The following CSMD1 variants were observed in gnomAD, a reference collection of about 807,000 sequenced individuals.
CSMD1 encodes the protein CUB and sushi domain-containing protein 1.
CSMD1 carries 213 observed loss-of-function variants against 417.5 expected under a neutral mutation model. That is an observed-to-expected ratio of 0.51 (90% CI 0.46 to 0.57). CSMD1 has a LOEUF of 0.57. CSMD1 is among the 20% of genes least tolerant of loss of function. CSMD1 has a pLI of 0.00. For missense variants in CSMD1, 6,923 were observed against 4,529.7 expected, an observed-to-expected ratio of 1.53 and a Z score of -15.17; for synonymous variants, 2,862 against 1,736.8, an observed-to-expected ratio of 1.65 and a Z score of -16.11.
intron 3 of CSMD1, among the ~76,000 whole-genome samples, chr8:4,294,305 TAATA>T (rs1445049336): frequency 6.6e-6 from 1 of 152,166 alleles, no homozygotes; most frequent in Non-Finnish European, 1.5e-5. Context: ...CATATCCTTT[TAATA>T]AATAATACGT....
chr8:4,619,963 G>A (rs1394302962), intron 2 of CSMD1, among the ~76,000 whole-genome samples: 2 of 151,958 alleles, frequency 1.3e-5, no homozygotes, highest in African/African-American at 2.4e-5. Flanking sequence ...TGAAGAATTA[G>A]CATAGTGTTA....
intron 3 of CSMD1, among the ~76,000 whole-genome samples, chr8:4,161,585 T>C (rs1797172648): frequency 6.6e-6 from 1 of 152,180 alleles, no homozygotes; most frequent in Non-Finnish European, 1.5e-5. Flanking sequence ...CATCAAGCGG[T>C]ACATTTTGAT....
rs528233266 is a variant in CSMD1, at chr8:3,073,107, A to G, written c.7474+13990T>C. ...TAAAATGATGCTAAAGTTCTTAAAT[A>G]AATACAAAAGTCCTATTGTCTCTGA... On this transcript the variant is annotated intron_variant, in intron 49 of 69. Transcript: ENST00000635120. Among the ~76,000 whole-genome samples, 10 of 152,366 alleles carry G rather than the reference A, an allele frequency of 6.6e-5. No individual in the cohort carries two copies. The East Asian group carries it at 1.9e-3, about 29-fold the overall frequency.
chr8:4,432,916 G>T (rs1369691832), intron 2 of CSMD1, among the ~76,000 whole-genome samples: 1 of 152,194 alleles, frequency 6.6e-6, no homozygotes. Flanking sequence ...AAGCCAGAGA[G>T]GCTGTGTTGT....
At chr8:3,491,136 G>T (rs900504951) in intron 11 of CSMD1, among the ~76,000 whole-genome samples, 12 of 152,152 alleles carry the variant, frequency 7.9e-5, no homozygotes, top group African/African-American at 2.9e-4. Context: ...GTGAAAGAAT[G>T]CGGTGAGAGC....
In CSMD1 at chr8:4,574,395, G is replaced by A. The variant is rs190406000; in HGVS notation, c.302+62947C>T. Among the ~76,000 whole-genome samples, 526 of 152,242 alleles carry A rather than the reference G, an allele frequency of 3.5e-3. 3 individuals are homozygous for A. Among genetic ancestry groups the A allele is most frequent in the African/African-American group, 0.012 (497 of 41,542 alleles). On this transcript the variant is annotated intron_variant, in intron 2 of 69. Coordinates refer to ENST00000635120, the MANE Select transcript of CSMD1 (RefSeq NM_033225.6). ...AGGAGAGGGGGTTACCCAGCCCCTT[G>A]CACTTCCCCGGTGAGGCAATGCCCC...
At chr8:4,612,133 A>G (rs1442225550) in intron 2 of CSMD1, among the ~76,000 whole-genome samples, 1 of 152,158 alleles carries the variant, frequency 6.6e-6, no homozygotes, top group Non-Finnish European at 1.5e-5. Flanking sequence ...ATCTCACACT[A>G]GGAGCAGAGA....
chr8:3,576,977 C>A (rs1800176026), intron 9 of CSMD1, among the ~76,000 whole-genome samples: 1 of 152,192 alleles, frequency 6.6e-6, no homozygotes, highest in Non-Finnish European at 1.5e-5. Context: ...AATTGTGAAG[C>A]AATGTAACCA....
intron 5 of CSMD1, among the ~76,000 whole-genome samples, chr8:3,886,114 G>A (rs561157512): frequency 4.7e-4 from 72 of 152,024 alleles, no homozygotes; most frequent in South Asian, 1.9e-3. Flanking sequence ...ACAGTGCTGC[G>A]ATCTCAGCTC....
intron 23 of CSMD1, among the ~76,000 whole-genome samples, chr8:3,310,769 G>A (rs553233186): frequency 5.3e-5 from 8 of 150,676 alleles, no homozygotes; most frequent in African/African-American, 7.4e-5. Flanking sequence ...GAATGGCAGC[G>A]GGGCCAGGAA....
intron 3 of CSMD1, among the ~76,000 whole-genome samples, chr8:4,253,174 T>A (rs879605377): frequency 6.6e-6 from 1 of 152,222 alleles, no homozygotes; most frequent in Non-Finnish European, 1.5e-5. Flanking sequence ...AAACATTCTA[T>A]CTGGTCTATT....
intron 3 of CSMD1, among the ~76,000 whole-genome samples, chr8:4,328,806 C>G (rs1799702979): frequency 6.6e-6 from 1 of 152,132 alleles, no homozygotes; most frequent in African/African-American, 2.4e-5. Flanking sequence ...AATAAACTTC[C>G]AAAAATAACA....
intron 2 of CSMD1, among the ~76,000 whole-genome samples, chr8:4,435,532 T>C (rs1443378233): frequency 1.3e-5 from 2 of 152,166 alleles, no homozygotes; most frequent in Non-Finnish European, 2.9e-5. Flanking sequence ...ACTGCCTGCC[T>C]CCTTCAACAC....
At chr8:3,441,365 G>C (rs1017918935) in intron 12 of CSMD1, among the ~76,000 whole-genome samples, 1 of 151,966 alleles carries the variant, frequency 6.6e-6, no homozygotes, top group Non-Finnish European at 1.5e-5. Flanking sequence ...TTTGTGCATC[G>C]ACTGATATAA....
chr8:4,529,731 C>A (rs567412551), intron 2 of CSMD1, among the ~76,000 whole-genome samples: 1 of 152,132 alleles, frequency 6.6e-6, no homozygotes, highest in South Asian at 2.1e-4. Context: ...GGGGTTCTTA[C>A]AAATTTTTCA....
At chr8:2,956,123 G>A (rs906555201) in intron 63 of CSMD1, among the ~76,000 whole-genome samples, 9 of 151,730 alleles carry the variant, frequency 5.9e-5, no homozygotes, top group Admixed American at 2.0e-4. Context: ...CTATACTACC[G>A]AAATAAATAT....
At chr8:2,953,679 G>A (rs1452839762) in intron 65 of CSMD1, among the ~76,000 whole-genome samples, 1 of 152,204 alleles carries the variant, frequency 6.6e-6, no homozygotes, top group Non-Finnish European at 1.5e-5. Context: ...AAATAGGACT[G>A]CATCTTTGCG....
chr8:3,369,231 T>G (rs1346624333), intron 19 of CSMD1, 23 bp downstream of exon 19: 36 of 1,151,332 alleles, frequency 3.1e-5, no homozygotes, highest in Non-Finnish European at 4.3e-5. Flanking sequence ...TCTGTATGTT[T>G]GAGACCTATG....
chr8:4,213,449 G>C (rs578182963), intron 3 of CSMD1, among the ~76,000 whole-genome samples: 1 of 152,170 alleles, frequency 6.6e-6, no homozygotes, highest in African/African-American at 2.4e-5. Context: ...GTGAGAACAG[G>C]AACAGTTGCC....
Sources: gnomAD v4.1 joint callset for allele counts (sites outside exome capture counted in the v4.1 genomes callset) on GRCh38, gnomAD v4.1.1 for gene constraint, MANE v1.5 for transcripts, NCBI Gene and HGNC (gene_info 2026-07-23, HGNC 2026-07-21) for gene names.